The following PPM1L variants were observed in gnomAD, a reference collection of about 807,000 sequenced individuals.
PPM1L encodes the protein protein phosphatase 1L.
In PPM1L, 13 loss-of-function variants were observed where a neutral mutation model predicts 31.4. The ratio of observed to expected loss-of-function variants is 0.41; its 90% confidence interval spans 0.27 to 0.66. PPM1L has a LOEUF of 0.66. Ranked by LOEUF, PPM1L falls within the 30% of genes least tolerant of loss-of-function variation. The pLI is 0.29. For synonymous variants in PPM1L, 184 were observed against 175.4 expected (o/e 1.05, Z -0.39); for missense variants, 326 against 453.7 (o/e 0.72, Z 2.56).
chr3:160,781,264 A>T (rs111703418), intron 1 of PPM1L, among the ~76,000 whole-genome samples: 2,551 of 152,266 alleles, frequency 0.017, 66 homozygotes, highest in African/African-American at 0.058. Flanking sequence ...GCTATGGCTG[A>T]CAGATATAGC....
intron 1 of PPM1L, among the ~76,000 whole-genome samples, chr3:160,821,289 T>C (rs1713195703): frequency 6.6e-6 from 1 of 151,998 alleles, no homozygotes; most frequent in South Asian, 2.1e-4. Flanking sequence ...AAAATCTTAC[T>C]TGTTGAGCCT....
chr3:160,911,988 C>T (rs1278840915), intron 1 of PPM1L, among the ~76,000 whole-genome samples: 1 of 152,128 alleles, frequency 6.6e-6, no homozygotes, highest in Non-Finnish European at 1.5e-5. Flanking sequence ...GAAAAGGCTT[C>T]TCAATTTGTG....
intron 1 of PPM1L, chr3:160,939,699 TC>T (rs1267666674): frequency 1.2e-5 from 2 of 163,048 alleles, no homozygotes; most frequent in Non-Finnish European, 2.6e-5. Context: ...TTCTGAGGCC[TC>T]CCCAGCCATG....
chr3:160,791,094 C>T lies in PPM1L; in HGVS notation c.399+34387C>T, dbSNP rs568046299. On this transcript the variant is annotated intron_variant, in intron 1 of 3. Coordinates refer to ENST00000498165, the MANE Select transcript of PPM1L (RefSeq NM_139245.4). ...CATTCATTGTGCCAAACTCGATTAGCACTACTCTGTCTTCTGGTCTCTCAC... is the reference window on the plus strand; with the variant it reads ...CATTCATTGTGCCAAACTCGATTAGTACTACTCTGTCTTCTGGTCTCTCAC... Among the ~76,000 whole-genome samples the T allele has an allele frequency of 5.6e-4, 85 of 152,242 alleles. No homozygotes were observed. The South Asian group carries it at 0.017, about 31-fold the overall frequency.
intron 1 of PPM1L, among the ~76,000 whole-genome samples, chr3:160,785,363 C>T (rs1711872650): frequency 6.6e-6 from 1 of 151,972 alleles, no homozygotes; most frequent in Admixed American, 6.5e-5. Flanking sequence ...GATTTTGTTA[C>T]TAAAGTACCA....
At chr3:160,856,444 G>A (rs978245428) in intron 1 of PPM1L, among the ~76,000 whole-genome samples, 3 of 152,138 alleles carry the variant, frequency 2.0e-5, no homozygotes, top group African/African-American at 7.2e-5. Flanking sequence ...AAAAATTGTG[G>A]TATATATACA....
chr3:160,901,060 C>T (rs1362060037), intron 1 of PPM1L, among the ~76,000 whole-genome samples: 1 of 152,126 alleles, frequency 6.6e-6, no homozygotes, highest in African/African-American at 2.4e-5. Flanking sequence ...TAATGTTAGG[C>T]TATCCCAGGG....
At chr3:160,914,860 G>A (rs563177453) in intron 1 of PPM1L, among the ~76,000 whole-genome samples, 2 of 152,204 alleles carry the variant, frequency 1.3e-5, no homozygotes, top group South Asian at 4.2e-4. Context: ...CTGAGGAATT[G>A]CCACACTGAC....
intron 2 of PPM1L, among the ~76,000 whole-genome samples, chr3:161,053,867 T>G (rs1259263266): frequency 6.6e-6 from 1 of 152,260 alleles, no homozygotes; most frequent in Non-Finnish European, 1.5e-5. Context: ...TCAAGTTGAC[T>G]GCCTCATATT....
chr3:160,848,903 T>C (rs1169165250), intron 1 of PPM1L, among the ~76,000 whole-genome samples: 1 of 152,212 alleles, frequency 6.6e-6, no homozygotes, highest in Non-Finnish European at 1.5e-5. Context: ...TCTTCTTTAC[T>C]TTCCCCTTCA....
At chr3:160,903,195 T>TG (rs1347225743) in intron 1 of PPM1L, among the ~76,000 whole-genome samples, 1 of 37,914 alleles carries the variant, frequency 2.6e-5, no homozygotes, top group African/African-American at 1.0e-4. Flanking sequence ...GTGTGTGTGG[T>TG]ATGTGTGTAT....
chr3:160,789,775 G>C (rs200401021), intron 1 of PPM1L, among the ~76,000 whole-genome samples: 1 of 151,222 alleles, frequency 6.6e-6, no homozygotes, highest in Admixed American at 6.6e-5. Context: ...TTCTGATATC[G>C]AACCATCTTT....
intron 1 of PPM1L, among the ~76,000 whole-genome samples, chr3:160,801,556 A>G (rs773001209): frequency 5.3e-4 from 81 of 152,194 alleles, no homozygotes; most frequent in Non-Finnish European, 1.1e-3. Flanking sequence ...GTTTGTTCCC[A>G]TGTGCCAGGG....
chr3:161,030,928 G>A (rs571659539), intron 2 of PPM1L, among the ~76,000 whole-genome samples: 132 of 152,286 alleles, frequency 8.7e-4, no homozygotes, highest in Non-Finnish European at 1.6e-3. Flanking sequence ...TGTCAGAGAA[G>A]ACTTCTAATC....
At chr3:160,976,383 C>T (rs1716577820) in intron 2 of PPM1L, among the ~76,000 whole-genome samples, 1 of 140,374 alleles carries the variant, frequency 7.1e-6, no homozygotes, top group East Asian at 2.1e-4. Context: ...ATGATGCTGG[C>T]CTCATAAAAT....
chr3:160,906,203 T>C (rs887142165), intron 1 of PPM1L, among the ~76,000 whole-genome samples: 1 of 152,112 alleles, frequency 6.6e-6, no homozygotes, highest in African/African-American at 2.4e-5. Flanking sequence ...CAAGGTGAGG[T>C]GTCTGGATCA....
At chr3:161,066,969 G>C (rs181901443) in intron 3 of PPM1L, among the ~76,000 whole-genome samples, 1 of 152,184 alleles carries the variant, frequency 6.6e-6, no homozygotes, top group African/African-American at 2.4e-5. Context: ...CTGTTGATGG[G>C]ATGAAACGAA....
intron 1 of PPM1L, among the ~76,000 whole-genome samples, chr3:160,956,741 T>C (rs1715787584): frequency 1.3e-5 from 2 of 152,192 alleles, no homozygotes; most frequent in Non-Finnish European, 2.9e-5. Context: ...TGAAAGAAAA[T>C]TAAAGACCAA....
intron 1 of PPM1L, among the ~76,000 whole-genome samples, chr3:160,940,068 T>A (rs1715110362): frequency 6.6e-6 from 1 of 152,178 alleles, no homozygotes; most frequent in African/African-American, 2.4e-5. Context: ...TTTTATTATG[T>A]TTTAGCAAAG....
Sources: allele counts gnomAD v4.1 joint callset (sites outside exome capture counted in the v4.1 genomes callset), GRCh38; gene constraint gnomAD v4.1.1; transcripts MANE v1.5; gene names NCBI Gene and HGNC (gene_info 2026-07-23, HGNC 2026-07-21).